The following DSCAML1 variants were observed in gnomAD, a reference collection of about 807,000 sequenced individuals.
DSCAML1 encodes cell adhesion molecule DSCAML1.
DSCAML1 carries 38 observed loss-of-function variants against 200.5 expected under a neutral mutation model. The ratio of observed to expected loss-of-function variants is 0.19; its 90% confidence interval spans 0.15 to 0.25. The LOEUF (loss-of-function observed/expected upper bound fraction) is 0.25, where lower values mean the gene tolerates loss of function less well. Among genes scored for constraint, DSCAML1 ranks in the 10% least tolerant of loss-of-function variants. The pLI, the probability that DSCAML1 is intolerant of heterozygous loss-of-function variation, is 1.00. For missense variants in DSCAML1, 2,223 were observed against 2,858.8 expected (o/e 0.78, Z 5.07); for synonymous variants, 1,215 against 1,165.0 (o/e 1.04, Z -0.87).
At chr11:117,537,193 C>T (rs918797530) in intron 3 of DSCAML1, among the ~76,000 whole-genome samples, 1 of 152,238 alleles carries the variant, frequency 6.6e-6, no homozygotes, top group African/African-American at 2.4e-5. Context: ...GAGGTCCTCA[C>T]TGCCTCCTGG....
intron 3 of DSCAML1, among the ~76,000 whole-genome samples, chr11:117,581,596 C>T (rs1246115943): frequency 2.6e-5 from 4 of 152,296 alleles, no homozygotes; most frequent in Admixed American, 1.3e-4. Context: ...TACAATGCAT[C>T]TGAACATTAA....
rs1298603944 is a variant in DSCAML1 at position 117,505,680 on chromosome 11, C to T, written c.1836G>A (p.Leu612=). Residue 612 remains leucine, a synonymous_variant, in exon 9 of 33, where the codon CTG becomes CTA. Coordinates refer to ENST00000651296, the MANE Select transcript of DSCAML1 (RefSeq NM_020693.4). The surrounding 1 kb of genome is among the most constrained non-coding windows in gnomAD (Gnocchi z 6.7). ...AGGACACCACACAGGGAATGTAGAG[C>T]AGCTGGCCGATGGAGGCGGGTGGGA... The part of the protein sequence containing the change: ...FEFPPASIGQ[L]LYIPCVVSSG... 6.2e-7 allele frequency: 1 copy of T among 1,613,702 alleles called. No homozygotes were observed. The highest frequency in any genetic ancestry group is 8.5e-7 in the Non-Finnish European group (1 of 1,179,882).
At chr11:117,734,166 T>G (rs1305692595) in intron 3 of DSCAML1, among the ~76,000 whole-genome samples, 1 of 152,208 alleles carries the variant, frequency 6.6e-6, no homozygotes, top group Non-Finnish European at 1.5e-5. Flanking sequence ...AAGTCACCTC[T>G]TTGGTCACTC....
intron 3 of DSCAML1, among the ~76,000 whole-genome samples, chr11:117,588,365 A>T (rs2051191685): frequency 1.3e-5 from 2 of 152,134 alleles, no homozygotes; most frequent in Admixed American, 1.3e-4. Flanking sequence ...CCCAGTGCCC[A>T]TTCCAATCAC....
chr11:117,556,213 C>T (rs1004837167), intron 3 of DSCAML1, among the ~76,000 whole-genome samples: 1 of 152,116 alleles, frequency 6.6e-6, no homozygotes, highest in African/African-American at 2.4e-5. Context: ...AGTGACCCTG[C>T]AGGGAGATGG....
At chr11:117,602,583 A>T (rs896881816) in intron 3 of DSCAML1, among the ~76,000 whole-genome samples, 1 of 150,598 alleles carries the variant, frequency 6.6e-6, no homozygotes, top group African/African-American at 2.4e-5. Context: ...CTGGTCTTGA[A>T]CTCCTAAGCT....
intron 3 of DSCAML1, among the ~76,000 whole-genome samples, chr11:117,547,720 T>G (rs563056983): frequency 1.3e-5 from 2 of 152,358 alleles, no homozygotes; most frequent in South Asian, 4.1e-4. Context: ...TGGTCTTATC[T>G]AATTCATTCT....
At chr11:117,683,813 G>A (rs1035928032) in intron 3 of DSCAML1, among the ~76,000 whole-genome samples, 2 of 152,126 alleles carry the variant, frequency 1.3e-5, no homozygotes, top group Non-Finnish European at 1.5e-5. Context: ...AAAACTCCTG[G>A]CTCATAGGCA....
Position 117,780,157 on chromosome 11 carries a change from G to GAGAA in DSCAML1, c.364+332_364+335dup, listed in dbSNP as rs1196207687. On this transcript the variant is annotated intron_variant, in intron 2 of 32. Transcript: ENST00000651296. This position sits in a 1 kb window ranked among gnomAD's most constrained non-coding sequence, Gnocchi z 4.8. ...GCAAAAAGAAAGAGAGAGAGAGAGA[G>GAGAA]AGAAAGAAAGAAAGAAAAAAAGAAA... Among the ~76,000 whole-genome samples the GAGAA allele has an allele frequency of 2.8e-4, 39 of 139,996 alleles. No homozygotes were observed. The highest frequency in any genetic ancestry group is 9.2e-4 in the African/African-American group (34 of 36,944). 91.8% of individuals were successfully genotyped at this position (139,996 alleles called of 152,430 possible).
chr11:117,815,218 G>A (rs1034921835), intron 1 of DSCAML1, among the ~76,000 whole-genome samples: 1 of 152,174 alleles, frequency 6.6e-6, no homozygotes, highest in Non-Finnish European at 1.5e-5. Context: ...AGGGAACAAG[G>A]GGGTCAGCCA....
chr11:117,761,889 A>G (rs1379684388), intron 3 of DSCAML1, among the ~76,000 whole-genome samples: 1 of 152,168 alleles, frequency 6.6e-6, no homozygotes, highest in African/African-American at 2.4e-5. Flanking sequence ...AAAACACAAA[A>G]AAGTGGGGAT....
At chr11:117,615,710 T>TG (rs2137539686) in intron 3 of DSCAML1, among the ~76,000 whole-genome samples, 1 of 151,502 alleles carries the variant, frequency 6.6e-6, no homozygotes, top group Admixed American at 6.6e-5. Context: ...GTATTTTGGG[T>TG]GGGGAAAAAA....
At chr11:117,514,572 C>CTTTTTTTTTTTTTTTT (rs532136039) in intron 8 of DSCAML1, among the ~76,000 whole-genome samples, 8 of 98,290 alleles carry the variant, frequency 8.1e-5, no homozygotes, top group Admixed American at 1.2e-4. Flanking sequence ...TTTTCTTTTT[C>CTTTTTTTTTTTTTTTT]TTTTTTTTTT....
rs568427635 is a variant in DSCAML1 at position 117,467,427 on chromosome 11, T to G, written c.3025-2245A>C. Among the ~76,000 whole-genome samples, 1,252 of 152,150 alleles carry G rather than the reference T, an allele frequency of 8.2e-3. 14 individuals carry two copies. The highest frequency in any genetic ancestry group is 0.028 in the African/African-American group (1,161 of 41,506). ...GCTTGAATCGGGGTTTTAAAGACAA[T>G]GAAGTTAATTTAAAAGCCCACCTTT... On this transcript the variant is annotated intron_variant, in intron 16 of 32. Coordinates refer to ENST00000651296, the MANE Select transcript of DSCAML1 (RefSeq NM_020693.4).
intron 3 of DSCAML1, among the ~76,000 whole-genome samples, chr11:117,708,087 C>T (rs1232610623): frequency 6.6e-6 from 1 of 152,218 alleles, no homozygotes; most frequent in African/African-American, 2.4e-5. Flanking sequence ...CACCTCCTGC[C>T]TCCCTCTCTG....
At chr11:117,739,977 T>C (rs1265778082) in intron 3 of DSCAML1, among the ~76,000 whole-genome samples, 1 of 152,198 alleles carries the variant, frequency 6.6e-6, no homozygotes, top group Non-Finnish European at 1.5e-5. Flanking sequence ...ATGACCAACA[T>C]TTTTTAGCAT....
intron 3 of DSCAML1, among the ~76,000 whole-genome samples, chr11:117,600,271 T>A (rs965392462): frequency 2.0e-5 from 3 of 152,112 alleles, no homozygotes; most frequent in Non-Finnish European, 2.9e-5. Flanking sequence ...GGATCTTCAT[T>A]GCCTTGCTCT....
At chr11:117,800,166 G>A (rs1215455432), upstream of DSCAML1, among the ~76,000 whole-genome samples, 1 of 152,246 alleles carries the variant, frequency 6.6e-6, no homozygotes, top group Non-Finnish European at 1.5e-5. Context: ...GAAAATGACA[G>A]GTTGGCTCAG....
rs1448866888 is a variant in DSCAML1, at chr11:117,524,985, G to T, written c.757C>A (p.Pro253Thr). The change falls in exon 5 of 33, where the codon CCT becomes ACT. Residue 253 changes from proline (P) to threonine (T), a missense_variant. Coordinates refer to ENST00000651296, the MANE Select transcript of DSCAML1 (RefSeq NM_020693.4). ...VELPCTASGY[P>T]IPAIRWLKDG... ...TTGAGCCAGCGGATGGCGGGGATAG[G>T]GTAGCCCGAGGCGGTGCAGGGCAGC... 1 of 1,612,188 alleles carries T rather than the reference G, an allele frequency of 6.2e-7. No homozygotes were observed. Among genetic ancestry groups the T allele is most frequent in the Non-Finnish European group, 8.5e-7 (1 of 1,179,492 alleles).
Sources: allele counts gnomAD v4.1 joint callset (sites outside exome capture counted in the v4.1 genomes callset), GRCh38; gene constraint gnomAD v4.1.1; non-coding constraint Gnocchi (gnomAD v3.1); transcripts MANE v1.5; gene names NCBI Gene and HGNC (gene_info 2026-07-23, HGNC 2026-07-21).